RIMS4: variants seen among roughly 807,000 people sequenced by gnomAD.
The protein encoded by RIMS4 is regulating synaptic membrane exocytosis 4.
A neutral mutation model predicts 29.0 loss-of-function variants in RIMS4; 9 were observed. That is an observed-to-expected ratio of 0.31 (90% CI 0.19 to 0.54). The LOEUF is 0.54. Ranked by LOEUF, RIMS4 falls within the 20% of genes least tolerant of loss-of-function variation. RIMS4 has a pLI of 0.94. For missense variants in RIMS4, 193 were observed against 365.7 expected, an observed-to-expected ratio of 0.53 and a Z score of 3.85; for synonymous variants, 130 against 152.9, an observed-to-expected ratio of 0.85 and a Z score of 1.10.
chr20:44,772,928 C>T (rs565369043), intron 1 of RIMS4, among the ~76,000 whole-genome samples: 33 of 152,186 alleles, frequency 2.2e-4, no homozygotes, highest in Non-Finnish European at 4.1e-4. Context: ...CTCCTTCCTC[C>T]CTGCCTCTAA....
chr20:44,783,071 G>A (rs988237656), intron 1 of RIMS4, among the ~76,000 whole-genome samples: 1 of 152,214 alleles, frequency 6.6e-6, no homozygotes, highest in Non-Finnish European at 1.5e-5. Flanking sequence ...AGAGAGTAGT[G>A]TCCCTGATTC....
intron 1 of RIMS4, among the ~76,000 whole-genome samples, chr20:44,782,995 G>A (rs997796212): frequency 1.3e-5 from 2 of 152,152 alleles, no homozygotes; most frequent in Admixed American, 6.5e-5. Context: ...TGTGCACAAC[G>A]ACTGTCACAG....
At position 44,772,058 on chromosome 20, in the gene RIMS4, G is replaced by A. The variant is rs555107781; in HGVS notation, c.98-645C>T. Among the ~76,000 whole-genome samples, 21 of 152,212 alleles carry A rather than the reference G, an allele frequency of 1.4e-4. 1 individual carries two copies. Among genetic ancestry groups the A allele is most frequent in the African/African-American group, 4.1e-4 (17 of 41,516 alleles). On this transcript the variant is annotated intron_variant, in intron 1 of 5. Coordinates refer to ENST00000372851, the MANE Select transcript of RIMS4 (RefSeq NM_182970.4). Reference sequence around the variant, plus strand: ...TCCTGGATATCTATCTCAGTGGCTGGGAGACTTAAGGCAAATTACTCAGCC... The same window carrying A: ...TCCTGGATATCTATCTCAGTGGCTGAGAGACTTAAGGCAAATTACTCAGCC...
In RIMS4 at chr20:44,752,815, TG is replaced by T. The variant is rs1345128753; in HGVS notation, c.*3318del. 6.6e-6 allele frequency: 1 copy of T among 152,512 alleles called. No homozygotes were observed. The highest frequency in any genetic ancestry group is 1.5e-5 in the Non-Finnish European group (1 of 68,264). 9.4% of individuals were successfully genotyped at this position (152,512 alleles called of 1,614,324 possible). A position where few individuals can be genotyped will look rare whatever the true frequency, so the allele number is the denominator to read the frequency against. On this transcript the variant is annotated 3_prime_UTR_variant, in exon 6 of 6. Coordinates refer to ENST00000372851, the MANE Select transcript of RIMS4 (RefSeq NM_182970.4). ...TCCTAACTCTCCCTCCAGTTGGTCCTGAAGAGGCTATGGCCCCTTACAAGGG... is the reference window on the plus strand; with the variant it reads ...TCCTAACTCTCCCTCCAGTTGGTCCTAAGAGGCTATGGCCCCTTACAAGGG...
intron 2 of RIMS4, among the ~76,000 whole-genome samples, chr20:44,761,954 T>A (rs1411405006): frequency 6.6e-6 from 1 of 152,244 alleles, no homozygotes; most frequent in Non-Finnish European, 1.5e-5. Flanking sequence ...GCACAGAGGC[T>A]ATGGTCTAGA....
chr20:44,785,655 C>T (rs530368430), intron 1 of RIMS4, among the ~76,000 whole-genome samples: 11 of 152,184 alleles, frequency 7.2e-5, no homozygotes, highest in East Asian at 1.9e-4. Context: ...TACTGACTTC[C>T]GGTGTGACAT....
chr20:44,762,502 G>A (rs529434527), intron 2 of RIMS4, among the ~76,000 whole-genome samples: 1 of 152,160 alleles, frequency 6.6e-6, no homozygotes, highest in Non-Finnish European at 1.5e-5. Flanking sequence ...GCAGAGGGAG[G>A]CCCTCTGCAG....
rs749300261 is a variant in RIMS4, at chr20:44,810,236, G to A, written c.36C>T (p.Ala12=). The A allele has an allele frequency of 6.4e-7, 1 of 1,562,726 alleles. No homozygotes were observed. Among genetic ancestry groups the A allele is most frequent in the Non-Finnish European group, 8.7e-7 (1 of 1,149,944 alleles). ...AGTAGATGGCGAGCGCCTCGAAGGA[G>A]GCGGACAGACTGAGGCGGCTCTGCG... is the stretch of plus-strand genomic sequence containing the variant. ...ERSQSRLSLS[A]SFEALAIYFP... is the part of the protein sequence containing the mutation. The change falls in exon 1 of 6, where the codon GCC becomes GCT. Residue 12 remains alanine, a synonymous_variant. Transcript: ENST00000372851.
intron 1 of RIMS4, among the ~76,000 whole-genome samples, chr20:44,772,650 G>T (rs1286931983): frequency 6.6e-6 from 1 of 152,184 alleles, no homozygotes; most frequent in Non-Finnish European, 1.5e-5. Flanking sequence ...GTGATTCAAG[G>T]GACTGTAGGC....
intron 2 of RIMS4, among the ~76,000 whole-genome samples, chr20:44,759,257 GTT>G (rs11481779): frequency 6.8e-6 from 1 of 147,598 alleles, no homozygotes; most frequent in Non-Finnish European, 1.5e-5. Context: ...TCTGGTTTTT[GTT>G]TTTTTTTTGA....
At chr20:44,770,763 T>G (rs988418176) in intron 2 of RIMS4, among the ~76,000 whole-genome samples, 13 of 152,250 alleles carry the variant, frequency 8.5e-5, no homozygotes, top group Admixed American at 2.0e-4. Context: ...AAAGCAGTAG[T>G]ATACATTTTT....
intron 1 of RIMS4, among the ~76,000 whole-genome samples, chr20:44,782,084 T>G (rs1238023314): frequency 2.0e-5 from 3 of 152,170 alleles, no homozygotes; most frequent in African/African-American, 7.2e-5. Context: ...CTGAGTAAAC[T>G]AAATAAACTT....
intron 1 of RIMS4, among the ~76,000 whole-genome samples, chr20:44,780,791 C>T (rs533140175): frequency 6.6e-6 from 1 of 152,192 alleles, no homozygotes; most frequent in Non-Finnish European, 1.5e-5. Flanking sequence ...GTGCCTCAGA[C>T]CTTTTTCCAA....
chr20:44,772,566 C>A (rs931791952), intron 1 of RIMS4, among the ~76,000 whole-genome samples: 1 of 152,188 alleles, frequency 6.6e-6, no homozygotes, highest in Non-Finnish European at 1.5e-5. Flanking sequence ...GACTTGTCCA[C>A]GCCCATAGAG....
At chr20:44,798,721 A>T (rs2066265440) in intron 1 of RIMS4, among the ~76,000 whole-genome samples, 3 of 152,210 alleles carry the variant, frequency 2.0e-5, no homozygotes, top group African/African-American at 7.2e-5. Flanking sequence ...ACCGAAGCCT[A>T]GTCAACCCTG....
At chr20:44,799,946 T>C (rs1244205434) in intron 1 of RIMS4, among the ~76,000 whole-genome samples, 1 of 152,238 alleles carries the variant, frequency 6.6e-6, no homozygotes, top group African/African-American at 2.4e-5. Flanking sequence ...CCAATATTTA[T>C]TCATCTAATC....
At chr20:44,798,995 G>A (rs1228080699) in intron 1 of RIMS4, among the ~76,000 whole-genome samples, 1 of 152,252 alleles carries the variant, frequency 6.6e-6, no homozygotes, top group Non-Finnish European at 1.5e-5. Context: ...GTCCAGAGAA[G>A]AAGGTACATG....
chr20:44,791,842 AGATCTC>A (rs2066234048), intron 1 of RIMS4, among the ~76,000 whole-genome samples: 1 of 152,216 alleles, frequency 6.6e-6, no homozygotes, highest in Non-Finnish European at 1.5e-5. Context: ...GCTATAACTC[AGATCTC>A]CAAGAAGGAG....
intron 1 of RIMS4, among the ~76,000 whole-genome samples, chr20:44,798,880 C>T (rs1160686941): frequency 6.6e-6 from 1 of 152,258 alleles, no homozygotes; most frequent in East Asian, 1.9e-4. Flanking sequence ...TCCCACAGAG[C>T]ACTTGCACAA....
Sources: gnomAD v4.1 joint callset for allele counts (sites outside exome capture counted in the v4.1 genomes callset) on GRCh38, gnomAD v4.1.1 for gene constraint, MANE v1.5 for transcripts, NCBI Gene and HGNC (gene_info 2026-07-23, HGNC 2026-07-21) for gene names.